APBB2: variants seen among roughly 807,000 people sequenced by gnomAD.
The protein encoded by APBB2 is Fe65-like 1.
In APBB2, 38 loss-of-function variants were observed where a neutral mutation model predicts 82.5. The observed-to-expected ratio is 0.46, with a 90% confidence interval of 0.36 to 0.60. The LOEUF (loss-of-function observed/expected upper bound fraction) is 0.60. APBB2 is among the 20% of genes least tolerant of loss of function. APBB2 has a pLI of 0.00. For missense variants in APBB2, 772 were observed against 972.3 expected, an observed-to-expected ratio of 0.79 and a Z score of 2.74; for synonymous variants, 341 against 368.2, an observed-to-expected ratio of 0.93 and a Z score of 0.85.
chr4:40,839,925 A>G (rs1291287741), intron 12 of APBB2, among the ~76,000 whole-genome samples: 1 of 152,222 alleles, frequency 6.6e-6, no homozygotes, highest in Non-Finnish European at 1.5e-5. Context: ...TCGGACTCCC[A>G]AAGTGCTGGG....
At chr4:41,120,279 A>G (rs1388937734) in intron 2 of APBB2, among the ~76,000 whole-genome samples, 2 of 152,076 alleles carry the variant, frequency 1.3e-5, no homozygotes, top group African/African-American at 4.8e-5. Flanking sequence ...CATGCCTCCA[A>G]TCTCCTGAGC....
chr4:40,940,112 C>G (rs1786455152), intron 7 of APBB2, among the ~76,000 whole-genome samples: 1 of 152,122 alleles, frequency 6.6e-6, no homozygotes, highest in African/African-American at 2.4e-5. Context: ...GAGAACAGGT[C>G]CCGGCCACCA....
At chr4:41,147,103 T>A (rs2154024902) in intron 1 of APBB2, among the ~76,000 whole-genome samples, 1 of 152,362 alleles carries the variant, frequency 6.6e-6, no homozygotes, top group Non-Finnish European at 1.5e-5. Flanking sequence ...TAAACATTAA[T>A]GTCTGCAGCA....
chr4:41,146,109 T>C (rs2154024100), intron 1 of APBB2, among the ~76,000 whole-genome samples: 1 of 152,208 alleles, frequency 6.6e-6, no homozygotes, highest in African/African-American at 2.4e-5. Context: ...GCAGATAACT[T>C]GAGGCCAGGA....
chr4:41,187,238 ATGG>A (rs1200372203), intron 1 of APBB2, among the ~76,000 whole-genome samples: 2 of 152,160 alleles, frequency 1.3e-5, no homozygotes, highest in African/African-American at 4.8e-5. Flanking sequence ...ACCTATCAAA[ATGG>A]TGGGATTTCA....
intron 6 of APBB2, among the ~76,000 whole-genome samples, chr4:40,997,499 TCTAC>T (rs952239152): frequency 6.6e-6 from 1 of 152,242 alleles, no homozygotes; most frequent in Non-Finnish European, 1.5e-5. Flanking sequence ...TTCTCTGGCC[TCTAC>T]CTACCTATTT....
rs1210050599 is a variant in APBB2 at position 40,829,962 on chromosome 4, G to A, written c.1644+501C>T. 2.0e-5 allele frequency among the ~76,000 whole-genome samples: 3 copies of A among 152,178 alleles called. No homozygotes were observed. The East Asian group carries it at 5.8e-4, about 29-fold the overall frequency. On this transcript the variant is annotated intron_variant, in intron 13 of 17. Coordinates refer to ENST00000508593, the MANE Select transcript of APBB2 (RefSeq NM_004307.2). ...GTTTCTTGCCACCTCCTTTCCTGTA[G>A]CCTTTTTCTCTACCCACATTCACTC...
chr4:41,193,542 C>T, intron 1 of APBB2: 1 of 985,122 alleles, frequency 1.0e-6, no homozygotes, highest in Non-Finnish European at 1.2e-6. Context: ...CCTGAGCTCT[C>T]CGAATGGAAA....
chr4:41,185,107 G>A (rs1772533491), intron 1 of APBB2, among the ~76,000 whole-genome samples: 1 of 152,210 alleles, frequency 6.6e-6, no homozygotes, highest in South Asian at 2.1e-4. Flanking sequence ...CAGGAAAGGA[G>A]AAATGATTGA....
At chr4:40,913,801 C>T (rs112816947) in intron 10 of APBB2, among the ~76,000 whole-genome samples, 1 of 151,938 alleles carries the variant, frequency 6.6e-6, no homozygotes, top group Non-Finnish European at 1.5e-5. Context: ...ACATGGCTCC[C>T]GAGAACAGTG....
At chr4:40,937,792 T>C (rs1785745928) in intron 7 of APBB2, among the ~76,000 whole-genome samples, 1 of 152,240 alleles carries the variant, frequency 6.6e-6, no homozygotes, top group Admixed American at 6.5e-5. Context: ...AGTCACTTTG[T>C]CTTAAATTTT....
intron 1 of APBB2, among the ~76,000 whole-genome samples, chr4:41,147,807 T>G (rs1761210252): frequency 6.6e-6 from 1 of 152,032 alleles, no homozygotes; most frequent in African/African-American, 2.4e-5. Context: ...TCCAGAAATA[T>G]CCACCAAGCC....
chr4:41,086,961 C>A (rs936070238), intron 3 of APBB2, among the ~76,000 whole-genome samples: 2 of 148,312 alleles, frequency 1.3e-5, no homozygotes, highest in Admixed American at 6.7e-5. Flanking sequence ...AAAAACCTGT[C>A]AGAATAAGAT....
chr4:40,952,916 G>T (rs1168636017), intron 6 of APBB2, among the ~76,000 whole-genome samples: 1 of 152,096 alleles, frequency 6.6e-6, no homozygotes, highest in Non-Finnish European at 1.5e-5. Context: ...TATGAAGGAG[G>T]CACTATCTTT....
At chr4:41,074,655 G>T (rs1735021442) in intron 3 of APBB2, among the ~76,000 whole-genome samples, 1 of 148,822 alleles carries the variant, frequency 6.7e-6, no homozygotes, top group Non-Finnish European at 1.5e-5. Context: ...TGTCGCCCAG[G>T]CTGGAGTGCA....
intron 12 of APBB2, among the ~76,000 whole-genome samples, chr4:40,834,605 CGGATG>C (rs1753199541): frequency 6.6e-6 from 1 of 152,112 alleles, no homozygotes; most frequent in African/African-American, 2.4e-5. Flanking sequence ...AGGGGCTTGG[CGGATG>C]TGATCAACAA....
At chr4:41,140,940 T>C (rs191894537) in intron 2 of APBB2, among the ~76,000 whole-genome samples, 1 of 152,346 alleles carries the variant, frequency 6.6e-6, no homozygotes, top group East Asian at 1.9e-4. Context: ...GTTGCAAAAT[T>C]ATTTCATTAT....
chr4:41,138,306 A>T (rs572177520), intron 2 of APBB2: 1 of 152,260 alleles, frequency 6.6e-6, no homozygotes, highest in Non-Finnish European at 1.5e-5. Context: ...TGTTACAATT[A>T]AAAACTTCTG....
chr4:41,190,239 C>CTTTTTT (rs1479369935), intron 1 of APBB2, among the ~76,000 whole-genome samples: 1 of 109,158 alleles, frequency 9.2e-6, no homozygotes, highest in African/African-American at 4.4e-5. Context: ...CCTACATAGG[C>CTTTTTT]TATTTTTTTT....
Sources: gnomAD v4.1 joint callset for allele counts (sites outside exome capture counted in the v4.1 genomes callset) on GRCh38, gnomAD v4.1.1 for gene constraint, MANE v1.5 for transcripts, NCBI Gene and HGNC (gene_info 2026-07-23, HGNC 2026-07-21) for gene names.